The following FHIT variants were observed in gnomAD, a reference collection of about 807,000 sequenced individuals.
FHIT encodes the protein bis(5'-adenosyl)-triphosphatase.
In FHIT, 19 loss-of-function variants were observed where a neutral mutation model predicts 17.9. The observed-to-expected ratio is 1.06, with a 90% confidence interval of 0.74 to 1.56. The LOEUF is 1.56. Ranked by LOEUF, FHIT falls within the 40% of genes most tolerant of loss-of-function variation. The pLI, the probability that FHIT is intolerant of heterozygous loss-of-function variation, is 0.00. For missense variants in FHIT, 248 were observed against 189.2 expected (o/e 1.31, Z -1.82); for synonymous variants, 81 against 69.7 (o/e 1.16, Z -0.81).
chr3:60,744,269 A>AAAAAAAAAAAAAAAAAAAAAAAAC (rs2042306809), intron 4 of FHIT, among the ~76,000 whole-genome samples: 4 of 16,054 alleles, frequency 2.5e-4, no homozygotes, highest in African/African-American at 2.4e-4. Flanking sequence ...AAAACAAAAC[A>AAAAAAAAAAAAAAAAAAAAAAAAC]AAAAAAAAAA....
intron 2 of FHIT, among the ~76,000 whole-genome samples, chr3:61,076,060 G>A (rs924370565): frequency 5.3e-5 from 8 of 152,248 alleles, no homozygotes; most frequent in Admixed American, 3.3e-4. Context: ...GAGAAGGGAA[G>A]TAAGCTATAG....
At chr3:59,968,836 A>G (rs1361813309) in intron 7 of FHIT, among the ~76,000 whole-genome samples, 1 of 152,196 alleles carries the variant, frequency 6.6e-6, no homozygotes, top group African/African-American at 2.4e-5. Flanking sequence ...GAGTTAAACA[A>G]AGCTAAAGTT....
At chr3:60,940,434 A>T (rs535663515) in intron 3 of FHIT, among the ~76,000 whole-genome samples, 1 of 152,276 alleles carries the variant, frequency 6.6e-6, no homozygotes, top group South Asian at 2.1e-4. Flanking sequence ...CAAGTTTTTT[A>T]ATTCTCAAAA....
chr3:59,864,272 T>G (rs1372398919), intron 8 of FHIT, among the ~76,000 whole-genome samples: 10 of 152,124 alleles, frequency 6.6e-5, no homozygotes, highest in Admixed American at 6.5e-4. Flanking sequence ...TGGGGGCTGG[T>G]CTGGCCCACG....
intron 7 of FHIT, among the ~76,000 whole-genome samples, chr3:59,981,057 T>TA (rs1031641704): frequency 6.6e-6 from 1 of 152,084 alleles, no homozygotes; most frequent in Admixed American, 6.5e-5. Flanking sequence ...TTCACTATTA[T>TA]AAACAACAAC....
intron 5 of FHIT, among the ~76,000 whole-genome samples, chr3:60,508,348 GA>G (rs1277802255): frequency 6.6e-6 from 1 of 152,112 alleles, no homozygotes; most frequent in African/African-American, 2.4e-5. Flanking sequence ...AATGTCTCTG[GA>G]TTATGAATTT....
At chr3:59,899,686 C>A (rs9851678) in intron 8 of FHIT, among the ~76,000 whole-genome samples, 21,017 of 141,288 alleles carry the variant, frequency 0.15, 2,169 homozygotes, top group African/African-American at 0.3. Context: ...TACAAAAAAA[C>A]AAAAAAAAAA....
At chr3:59,936,202 A>G (rs908714172) in intron 7 of FHIT, among the ~76,000 whole-genome samples, 1 of 152,014 alleles carries the variant, frequency 6.6e-6, no homozygotes, top group Admixed American at 6.5e-5. Context: ...CTTTCTTTGG[A>G]TATCTTCTGA....
chr3:59,854,546 CCT>C, intron 8 of FHIT, among the ~76,000 whole-genome samples: 1 of 152,216 alleles, frequency 6.6e-6, no homozygotes, highest in South Asian at 2.1e-4. Context: ...ATCTCATTTC[CCT>C]CTCTCTCACA....
At chr3:60,102,699 C>G (rs1345580161) in intron 5 of FHIT, among the ~76,000 whole-genome samples, 5 of 152,084 alleles carry the variant, frequency 3.3e-5, no homozygotes, top group Non-Finnish European at 7.4e-5. Flanking sequence ...CAATAACACT[C>G]CCCAAGCAAA....
intron 2 of FHIT, among the ~76,000 whole-genome samples, chr3:61,048,952 A>G (rs1315860778): frequency 6.6e-6 from 1 of 152,086 alleles, no homozygotes; most frequent in East Asian, 1.9e-4. Flanking sequence ...AAGGCAGGGG[A>G]CATCACACAC....
At chr3:60,807,430 A>G (rs1701434773) in intron 4 of FHIT, among the ~76,000 whole-genome samples, 1 of 151,954 alleles carries the variant, frequency 6.6e-6, no homozygotes, top group Non-Finnish European at 1.5e-5. Context: ...AAAAAAAAAA[A>G]GAAATTAAAT....
chr3:61,190,159 G>A (rs925284483), intron 2 of FHIT, among the ~76,000 whole-genome samples: 2 of 152,146 alleles, frequency 1.3e-5, no homozygotes, highest in African/African-American at 4.8e-5. Flanking sequence ...CCTACAGAAT[G>A]GGAGAAAATT....
intron 1 of FHIT, among the ~76,000 whole-genome samples, chr3:61,215,713 C>T (rs2039651893): frequency 6.6e-6 from 1 of 152,190 alleles, no homozygotes; most frequent in African/African-American, 2.4e-5. Flanking sequence ...AAGAATAAAG[C>T]TGGAGGCATC....
At chr3:60,859,816 G>A (rs1703561393) in intron 3 of FHIT, among the ~76,000 whole-genome samples, 1 of 126,010 alleles carries the variant, frequency 7.9e-6, no homozygotes, top group South Asian at 2.6e-4. Flanking sequence ...AGCTGAGGTG[G>A]GTGGATCACT....
intron 5 of FHIT, among the ~76,000 whole-genome samples, chr3:60,519,303 C>G (rs1245997010): frequency 6.6e-6 from 1 of 152,108 alleles, no homozygotes; most frequent in Non-Finnish European, 1.5e-5. Flanking sequence ...ATAATTTAAA[C>G]AAAACGTTTA....
At chr3:60,956,045 T>A (rs1709138557) in intron 3 of FHIT, among the ~76,000 whole-genome samples, 1 of 152,138 alleles carries the variant, frequency 6.6e-6, no homozygotes. Flanking sequence ...CAAGATTTTG[T>A]CCTCATGCAA....
chr3:60,395,494 G>C (rs1183288612), intron 5 of FHIT, among the ~76,000 whole-genome samples: 1 of 152,108 alleles, frequency 6.6e-6, no homozygotes, highest in Non-Finnish European at 1.5e-5. Flanking sequence ...AGAAAAGTGA[G>C]ATGTAAGGAA....
chr3:60,372,938 T>C (rs1327858533), intron 5 of FHIT, among the ~76,000 whole-genome samples: 2 of 152,226 alleles, frequency 1.3e-5, no homozygotes, highest in African/African-American at 2.4e-5. Context: ...TTTAATCCAC[T>C]GGTGGTGTGT....
Sources: gnomAD v4.1 joint callset for allele counts (sites outside exome capture counted in the v4.1 genomes callset) on GRCh38, gnomAD v4.1.1 for gene constraint, MANE v1.5 for transcripts, NCBI Gene and HGNC (gene_info 2026-07-23, HGNC 2026-07-21) for gene names.